The following GSE1 variants were observed in gnomAD, a reference collection of about 807,000 sequenced individuals.
GSE1 encodes the protein Gse1 coiled-coil protein.
Under a neutral mutation model 112.6 loss-of-function variants are expected in GSE1, and 32 were observed. The observed-to-expected ratio is 0.28, with a 90% CI of 0.21 to 0.38. GSE1 has a LOEUF of 0.38. Ranked by LOEUF, GSE1 falls within the 10% of genes least tolerant of loss-of-function variation. GSE1 has a pLI of 1.00. For synonymous variants in GSE1, 1,115 were observed against 735.6 expected (o/e 1.52, Z -8.35); for missense variants, 2,348 against 1,699.2 (o/e 1.38, Z -6.71).
intron 1 of GSE1, among the ~76,000 whole-genome samples, chr16:85,562,541 C>T (rs958555507): frequency 1.3e-5 from 2 of 152,202 alleles, no homozygotes; most frequent in African/African-American, 4.8e-5. Context: ...ACCTGGATTC[C>T]GGGGCAAGAA....
chr16:85,211,981 G>T (rs2075233911), intron 1 of GSE1, among the ~76,000 whole-genome samples: 1 of 152,210 alleles, frequency 6.6e-6, no homozygotes, highest in Non-Finnish European at 1.5e-5. Context: ...CCCATCAAAT[G>T]GTTTCTGACT....
chr16:85,282,096 C>T (rs2044874203), intron 1 of GSE1, among the ~76,000 whole-genome samples: 1 of 151,404 alleles, frequency 6.6e-6, no homozygotes. Context: ...GGCACGATTT[C>T]AGCCCACTGC....
intron 1 of GSE1, among the ~76,000 whole-genome samples, chr16:85,315,320 C>T (rs537787708): frequency 6.6e-6 from 1 of 152,280 alleles, no homozygotes; most frequent in Admixed American, 6.5e-5. Flanking sequence ...CCCTCCTGCA[C>T]GCACATCAGA....
At position 85,517,593 on chromosome 16, in the gene GSE1, C is replaced by G. The variant is rs190312236; in HGVS notation, c.2465-116321C>G. Among the ~76,000 whole-genome samples the G allele has an allele frequency of 6.9e-3, 940 of 136,890 alleles. 13 individuals carry two copies. Among genetic ancestry groups the G allele is most frequent in the African/African-American group, 0.028 (911 of 32,174 alleles). 89.8% of individuals were successfully genotyped at this position (136,890 alleles called of 152,430 possible). A position where few individuals can be genotyped will look rare whatever the true frequency, so the allele number is the denominator to read the frequency against. On this transcript the variant is annotated intron_variant, in intron 2 of 2. Transcript: ENST00000637419. ...CTCCCCACCAACCGGCCCCTGAATC[C>G]CACGCTCCCCTCCCCCCGCCTGCCT...
chr16:85,220,162 C>G (rs1042942051), intron 1 of GSE1, among the ~76,000 whole-genome samples: 1 of 152,238 alleles, frequency 6.6e-6, no homozygotes, highest in Non-Finnish European at 1.5e-5. Context: ...AACATTTTCC[C>G]CTCTGGGCCA....
chr16:85,328,274 T>A (rs2046266539), intron 1 of GSE1, among the ~76,000 whole-genome samples: 1 of 152,206 alleles, frequency 6.6e-6, no homozygotes. Context: ...GAATTCCCTG[T>A]CCAGGGTGGG....
Position 85,671,674 on chromosome 16 carries a change from C to T in GSE1, c.3519+576C>T, listed in dbSNP as rs575492222. On this transcript the variant is annotated intron_variant, in intron 15 of 15. Transcript: ENST00000253458. ...TAGGATTTACTTATAGAATATCGAT[C>T]CTGGAAGGGTAGGGATGCTGTTTGT... Among the ~76,000 whole-genome samples the T allele has an allele frequency of 2.1e-3, 313 of 151,014 alleles. 1 individual carries two copies. Among genetic ancestry groups the T allele is most frequent in the Middle Eastern group, 0.01 (3 of 292 alleles).
intron 1 of GSE1, among the ~76,000 whole-genome samples, chr16:85,182,121 G>A (rs2074599361): frequency 6.6e-6 from 1 of 152,186 alleles, no homozygotes; most frequent in Non-Finnish European, 1.5e-5. Context: ...GGGGACGCAC[G>A]GTGGACAGCG....
In GSE1 at chr16:85,654,975, C is replaced by G. The variant is rs150332530; in HGVS notation, c.781C>G (p.Pro261Ala). The change falls in exon 5 of 16, where the codon CCC (proline) becomes GCC (alanine). Residue 261 changes from proline to alanine, a missense_variant. Coordinates refer to ENST00000253458, the MANE Select transcript of GSE1 (RefSeq NM_014615.5). ...HPSYLAPHPF[P>A]HPAFRMDDSY... ...CAGCTACCTGGCCCCACACCCCTTCCCCCACCCGGCCTTCAGGTGAGGCAT... is the reference window on the plus strand; with the variant it reads ...CAGCTACCTGGCCCCACACCCCTTCGCCCACCCGGCCTTCAGGTGAGGCAT... 27 of 1,594,580 alleles carry G rather than the reference C, an allele frequency of 1.7e-5. No individual in the cohort carries two copies. The highest frequency in any genetic ancestry group is 2.2e-5 in the Non-Finnish European group (26 of 1,170,808).
rs1252804869 is a variant in GSE1 at position 85,478,845 on chromosome 16, TTC to T, written c.2464+121204_2464+121205del. ...ACCATGCCCCGCTCATTTATTTTCTTTCTTTCTTTCTTTCTTTCTTTCTTTCT... is the reference window on the plus strand; with the variant it reads ...ACCATGCCCCGCTCATTTATTTTCTTTTTCTTTCTTTCTTTCTTTCTTTCT... On this transcript the variant is annotated intron_variant, in intron 2 of 2. Transcript: ENST00000637419. Among the ~76,000 whole-genome samples, 7 of 16,384 alleles carry T rather than the reference TTC, an allele frequency of 4.3e-4. No homozygotes were observed. In the East Asian group the frequency reaches 0.013, roughly 31 times the overall value. The allele number at this position is 16,384 out of a possible 152,430, so 10.7% of individuals were successfully genotyped here. A position where few individuals can be genotyped will look rare whatever the true frequency, so the allele number is the denominator to read the frequency against.
At chr16:85,372,991 C>T (rs1251416461) in intron 2 of GSE1, among the ~76,000 whole-genome samples, 1 of 152,258 alleles carries the variant, frequency 6.6e-6, no homozygotes, top group Admixed American at 6.5e-5. Context: ...ACCTCAGTTA[C>T]AGGAAGTCCA....
chr16:85,411,070 G>A (rs34391395), intron 2 of GSE1, among the ~76,000 whole-genome samples: 15 of 84,154 alleles, frequency 1.8e-4, no homozygotes, highest in African/African-American at 2.1e-4. Flanking sequence ...CCTCACCGTT[G>A]CACTCAGGGT....
At chr16:85,654,177 C>A in intron 3 of GSE1, 101 bp from the exon 4 acceptor site, 3 of 1,088,492 alleles carry the variant, frequency 2.8e-6, no homozygotes, top group Non-Finnish European at 4.0e-6. Flanking sequence ...AGAACATGAA[C>A]TAAATCTAGC....
chr16:85,253,726 A>G (rs1906764425), intron 1 of GSE1, among the ~76,000 whole-genome samples: 1 of 152,192 alleles, frequency 6.6e-6, no homozygotes, highest in African/African-American at 2.4e-5. Context: ...GAGGGTGGCA[A>G]GAGTGCTCCC....
In GSE1 at chr16:85,296,501, G is replaced by C. The variant is rs570870366; in HGVS notation, c.2284-60962G>C. 5.9e-5 allele frequency among the ~76,000 whole-genome samples: 9 copies of C among 152,260 alleles called. No homozygotes were observed. The South Asian group carries it at 1.9e-3, about 32-fold the overall frequency. On this transcript the variant is annotated intron_variant, in intron 1 of 2. Coordinates refer to the GSE1 transcript ENST00000637419. ...GCACACCTGTAATCCCAGCTACTCG[G>C]GATGCTGAGGCACTAGAATCGTTTG...
intron 1 of GSE1, among the ~76,000 whole-genome samples, chr16:85,312,207 G>GGA (rs1006115365): frequency 6.7e-6 from 1 of 150,204 alleles, no homozygotes; most frequent in African/African-American, 2.5e-5. Flanking sequence ...CCTCTTGCGG[G>GGA]GGGGGGGGGG....
chr16:85,651,859 G>C (rs1184732306), intron 3 of GSE1, among the ~76,000 whole-genome samples: 2 of 152,234 alleles, frequency 1.3e-5, no homozygotes, highest in Admixed American at 6.5e-5. Context: ...TTTAGGCCTG[G>C]TGTTCATTGG....
In GSE1 at chr16:85,459,481, C is replaced by A. The variant is rs182334027; in HGVS notation, c.2464+101838C>A. Among the ~76,000 whole-genome samples the A allele has an allele frequency of 5.3e-3, 802 of 152,338 alleles. 9 individuals are homozygous for A. The highest frequency in any genetic ancestry group is 0.05 in the Admixed American group (761 of 15,306). ...ACTTGGCAGCCCTTTTCCCTGGGCT[C>A]TTGTTGGCTCCCATCACCATCCCAT... is the stretch of plus-strand genomic sequence containing the variant. On this transcript the variant is annotated intron_variant, in intron 2 of 2. Transcript: ENST00000637419.
chr16:85,354,435 G>GT (rs894308316), intron 1 of GSE1, among the ~76,000 whole-genome samples: 2 of 152,240 alleles, frequency 1.3e-5, no homozygotes, highest in Non-Finnish European at 2.9e-5. Flanking sequence ...AAAAAGGGTT[G>GT]TTTTCTCTTT....
Sources: allele counts gnomAD v4.1 joint callset (sites outside exome capture counted in the v4.1 genomes callset), GRCh38; gene constraint gnomAD v4.1.1; transcripts MANE v1.5; gene names NCBI Gene and HGNC (gene_info 2026-07-23, HGNC 2026-07-21).